Variants in ALK observed in about 807,000 individuals in gnomAD.
The protein encoded by ALK is ALK receptor tyrosine kinase, also known as ALK tyrosine kinase receptor.
In ALK, 74 loss-of-function variants were observed where a neutral mutation model predicts 163.1. The ratio of observed to expected loss-of-function variants is 0.45; its 90% CI spans 0.38 to 0.55. The LOEUF (loss-of-function observed/expected upper bound fraction) is 0.55, where lower values mean the gene tolerates loss of function less well. Ranked by LOEUF, ALK falls within the 20% of genes least tolerant of loss-of-function variation. The probability of loss-of-function intolerance (pLI) is 0.00; values close to 1 mark genes in which losing one functional copy is unlikely to be tolerated. For synonymous variants in ALK, 960 were observed against 843.2 expected (o/e 1.14, Z -2.40); for missense variants, 2,063 against 2,105.3 (o/e 0.98, Z 0.39).
chr2:29,475,415 G>C (rs754127397), intron 4 of ALK, among the ~76,000 whole-genome samples: 1 of 152,168 alleles, frequency 6.6e-6, no homozygotes, highest in Non-Finnish European at 1.5e-5. Context: ...GTCACACGGC[G>C]TAGGTGGCAG....
Position 29,778,461 on chromosome 2 carries a change from G to A in ALK, c.668-60764C>T, listed in dbSNP as rs958072644. Among the ~76,000 whole-genome samples the A allele has an allele frequency of 2.6e-5, 4 of 152,316 alleles. No homozygotes were observed. In the East Asian group the frequency reaches 7.7e-4, roughly 29 times the overall value. On this transcript the variant is annotated intron_variant, in intron 1 of 28. Transcript: ENST00000389048. ...TGACTTCCCAACAGAGCAGGAGGTG[G>A]AGTTCTGTGTGCATTCCTAGATGGT... is the stretch of plus-strand genomic sequence containing the variant.
chr2:29,897,250 T>C (rs1667294514), intron 1 of ALK, among the ~76,000 whole-genome samples: 1 of 151,842 alleles, frequency 6.6e-6, no homozygotes, highest in Admixed American at 6.6e-5. Flanking sequence ...AGGTTGCAAG[T>C]GGTTCTGCAG....
At chr2:29,783,106 T>C (rs535907605) in intron 1 of ALK, among the ~76,000 whole-genome samples, 9 of 152,356 alleles carry the variant, frequency 5.9e-5, no homozygotes, top group African/African-American at 2.2e-4. Flanking sequence ...TAAAGACAAC[T>C]GGTTACATTA....
At position 29,228,939 on chromosome 2, in the gene ALK, A is replaced by ACCCCCCCTTGTCTCCCC; in HGVS notation, c.2759_2760insGGGGAGACAAGGGGGGG (p.Phe921GlyfsTer24). 1 of 1,412,038 alleles carries ACCCCCCCTTGTCTCCCC rather than the reference A, an allele frequency of 7.1e-7. No individual in the cohort carries two copies. The highest frequency in any genetic ancestry group is 1.2e-5 in the South Asian group (1 of 82,372). The allele number at this position is 1,412,038 out of a possible 1,614,324, so 87.5% of individuals were successfully genotyped here. ...AGCACCCCCCTCCACCCCCTCCGAA[A>ACCCCCCCTTGTCTCCCC]CCCCCTCTTGTCTCCCACCCCCACT... On this transcript the variant is annotated frameshift_variant, in exon 16 of 29. Transcript: ENST00000389048. LOFTEE classifies it high-confidence loss of function.
At chr2:29,681,022 A>G (rs1349146236) in intron 3 of ALK, 3 of 152,104 alleles carry the variant, frequency 2.0e-5, no homozygotes, top group Non-Finnish European at 4.4e-5. Flanking sequence ...ACGTTTTAAT[A>G]AAAAAGAGAT....
intron 5 of ALK, among the ~76,000 whole-genome samples, chr2:29,338,445 A>C (rs755687031): frequency 1.3e-5 from 2 of 152,162 alleles, no homozygotes; most frequent in Admixed American, 1.3e-4. Flanking sequence ...TTAGCTAAAC[A>C]TCGGGATGTG....
At chr2:29,682,377 T>G (rs1678096810) in intron 3 of ALK, among the ~76,000 whole-genome samples, 1 of 152,132 alleles carries the variant, frequency 6.6e-6, no homozygotes, top group African/African-American at 2.4e-5. Context: ...TGATGACTCT[T>G]TTTTTTATAT....
At chr2:29,886,667 A>C (rs1480964562) in intron 1 of ALK, among the ~76,000 whole-genome samples, 3 of 152,228 alleles carry the variant, frequency 2.0e-5, no homozygotes, top group Non-Finnish European at 4.4e-5. Context: ...GAGACACTCA[A>C]GTAAGACAGA....
chr2:29,464,878 T>C (rs1342866356), intron 4 of ALK, among the ~76,000 whole-genome samples: 1 of 152,116 alleles, frequency 6.6e-6, no homozygotes, highest in Non-Finnish European at 1.5e-5. Context: ...ATCATTAGAC[T>C]TGAAGACAAA....
At chr2:29,613,465 C>T (rs9789723) in intron 3 of ALK, among the ~76,000 whole-genome samples, 117,637 of 152,168 alleles carry the variant, frequency 0.77, 45,637 homozygotes, top group African/African-American at 0.83. Context: ...AGGCATAAGC[C>T]CTTCCTTTAA....
chr2:29,532,330 GC>G (rs2148159081), intron 3 of ALK, among the ~76,000 whole-genome samples: 1 of 152,276 alleles, frequency 6.6e-6, no homozygotes, highest in African/African-American at 2.4e-5. Context: ...GGAGACATAG[GC>G]CTTATAATCA....
chr2:29,801,138 T>C (rs1664458500), intron 1 of ALK, among the ~76,000 whole-genome samples: 1 of 152,202 alleles, frequency 6.6e-6, no homozygotes, highest in African/African-American at 2.4e-5. Context: ...TATGCTCCCC[T>C]ACCTAGCTGA....
intron 1 of ALK, among the ~76,000 whole-genome samples, chr2:29,771,050 TAC>T (rs1290553337): frequency 1.3e-5 from 2 of 150,766 alleles, no homozygotes; most frequent in African/African-American, 2.4e-5. Context: ...CATGCACACA[TAC>T]ACAGACAAGC....
chr2:29,847,428 G>A (rs1335559997), intron 1 of ALK, among the ~76,000 whole-genome samples: 1 of 152,124 alleles, frequency 6.6e-6, no homozygotes, highest in Non-Finnish European at 1.5e-5. Context: ...TTTAATAAAA[G>A]CAACTTGCTG....
chr2:29,297,230 G>A (rs927488140), intron 8 of ALK, among the ~76,000 whole-genome samples, 173 bp from the exon 9 acceptor site: 1 of 152,284 alleles, frequency 6.6e-6, no homozygotes, highest in Admixed American at 6.5e-5. Flanking sequence ...TGAAGTTCAA[G>A]TATCCCATTT....
At chr2:29,297,094 T>C (rs777278659) in intron 8 of ALK, 37 bp from the exon 9 acceptor site, 2 of 1,613,716 alleles carry the variant, frequency 1.2e-6, no homozygotes, top group East Asian at 2.2e-5. Flanking sequence ...CAAGGTATGA[T>C]TGCTGAAAGG....
At chr2:29,194,393 A>AT (rs921660062) in intron 28 of ALK, among the ~76,000 whole-genome samples, 1 of 151,970 alleles carries the variant, frequency 6.6e-6, no homozygotes, top group Non-Finnish European at 1.5e-5. Flanking sequence ...TACAGGGTTT[A>AT]TTTTTTGATC....
intron 3 of ALK, among the ~76,000 whole-genome samples, chr2:29,575,752 C>T (rs1674507163): frequency 1.3e-5 from 2 of 152,134 alleles, no homozygotes; most frequent in Admixed American, 1.3e-4. Context: ...AGTGAGTTCC[C>T]AGTCCTTTGG....
intron 3 of ALK, among the ~76,000 whole-genome samples, chr2:29,689,721 T>C (rs371945529): frequency 1.3e-5 from 2 of 152,124 alleles, no homozygotes; most frequent in Non-Finnish European, 2.9e-5. Context: ...TAATTGAAAA[T>C]AGAGTATTTG....
Sources: gnomAD v4.1 joint callset for allele counts (sites outside exome capture counted in the v4.1 genomes callset) on GRCh38, gnomAD v4.1.1 for gene constraint, MANE v1.5 for transcripts, NCBI Gene and HGNC (gene_info 2026-07-23, HGNC 2026-07-21) for gene names.